Variants in RPRD2 observed in about 807,000 individuals in gnomAD.
RPRD2 encodes regulation of nuclear pre-mRNA domain containing 2.
RPRD2 carries 12 observed loss-of-function variants against 104.4 expected under a neutral mutation model. The ratio of observed to expected loss-of-function variants is 0.11; its 90% confidence interval spans 0.07 to 0.19. The LOEUF is 0.19. Among genes scored for constraint, RPRD2 ranks in the 10% least tolerant of loss-of-function variants. The probability of loss-of-function intolerance (pLI) is 1.00; values close to 1 mark genes in which losing one functional copy is unlikely to be tolerated. For synonymous variants in RPRD2, 714 were observed against 684.9 expected (o/e 1.04, Z -0.66); for missense variants, 1,543 against 1,790.1 (o/e 0.86, Z 2.49).
chr1:150,366,328 T>A (rs1291834086), intron 1 of RPRD2, among the ~76,000 whole-genome samples: 3 of 152,244 alleles, frequency 2.0e-5, no homozygotes, highest in Non-Finnish European at 4.4e-5. Flanking sequence ...TGCAAAATTA[T>A]AGGCCCCATG....
chr1:150,379,427 A>G (rs1660965887), intron 1 of RPRD2, among the ~76,000 whole-genome samples: 1 of 150,298 alleles, frequency 6.7e-6, no homozygotes, highest in African/African-American at 2.4e-5. Flanking sequence ...TTTGAGACCG[A>G]GTTTTGCTTT....
At chr1:150,396,791 A>G (rs990051395) in intron 1 of RPRD2, among the ~76,000 whole-genome samples, 4 of 152,142 alleles carry the variant, frequency 2.6e-5, no homozygotes, top group Non-Finnish European at 4.4e-5. Context: ...ATTTCAAACT[A>G]TACTCTAAGG....
At chr1:150,439,733 G>A (rs1303724515) in intron 2 of RPRD2, among the ~76,000 whole-genome samples, 3 of 150,744 alleles carry the variant, frequency 2.0e-5, no homozygotes, top group South Asian at 2.1e-4. Flanking sequence ...TTATTAGAAT[G>A]GTTTCTGTTC....
chr1:150,370,468 T>G (rs1263987811), intron 1 of RPRD2, among the ~76,000 whole-genome samples: 3 of 152,126 alleles, frequency 2.0e-5, no homozygotes, highest in Non-Finnish European at 4.4e-5. Flanking sequence ...ATTCCCAGTT[T>G]GTGAGAGACG....
chr1:150,414,548 T>C (rs1310266845), intron 1 of RPRD2, among the ~76,000 whole-genome samples: 2 of 152,024 alleles, frequency 1.3e-5, no homozygotes, highest in African/African-American at 2.4e-5. Flanking sequence ...TACATGATTC[T>C]AGAGGAGGAC....
chr1:150,465,136 T>C (rs1259843733), intron 10 of RPRD2, among the ~76,000 whole-genome samples: 1 of 151,910 alleles, frequency 6.6e-6, no homozygotes, highest in Non-Finnish European at 1.5e-5. Context: ...TGAGCCACCA[T>C]GCCTGGTGGT....
At chr1:150,369,754 G>A (rs1660159049) in intron 1 of RPRD2, among the ~76,000 whole-genome samples, 1 of 146,900 alleles carries the variant, frequency 6.8e-6, no homozygotes, top group African/African-American at 2.5e-5. Context: ...ACTGTGCCCG[G>A]CCTACACCTG....
At chr1:150,396,218 ATTTG>A (rs1662511492) in intron 1 of RPRD2, among the ~76,000 whole-genome samples, 1 of 144,610 alleles carries the variant, frequency 6.9e-6, no homozygotes, top group African/African-American at 2.6e-5. Context: ...TTTTTTGGTA[ATTTG>A]TTTGAGTTTA....
chr1:150,453,964 T>A (rs1443305358), intron 7 of RPRD2, among the ~76,000 whole-genome samples: 2 of 152,204 alleles, frequency 1.3e-5, no homozygotes, highest in Non-Finnish European at 2.9e-5. Flanking sequence ...CTCCAGCTTC[T>A]GGAATGTAGA....
intron 2 of RPRD2, among the ~76,000 whole-genome samples, chr1:150,436,596 C>T (rs1666011553): frequency 7.0e-6 from 1 of 143,048 alleles, no homozygotes; most frequent in South Asian, 2.2e-4. Context: ...AAGACTCCGT[C>T]TCAATTAAAA....
chr1:150,472,066 A>C lies in RPRD2; in HGVS notation c.3118A>C (p.Ser1040Arg), dbSNP rs1006045043. The C allele has an allele frequency of 6.2e-7, 1 of 1,613,868 alleles. No homozygotes were observed. Among genetic ancestry groups the C allele is most frequent in the Non-Finnish European group, 8.5e-7 (1 of 1,179,888 alleles). ...PSKGTPSDGV[S>R]LSNLTQPSLT... ...CAAGGGCACTCCAAGTGATGGTGTC[A>C]GTCTCTCAAACCTCACCCAACCCAG... Residue 1040 changes from serine to arginine, a missense_variant, in exon 11 of 11, where the codon AGT (serine) becomes CGT (arginine). Around this residue, in one of 4 missense-constraint regions of RPRD2, gnomAD observed 880 missense variants for 885.6 expected, o/e 0.99. Coordinates refer to ENST00000369068, the MANE Select transcript of RPRD2 (RefSeq NM_015203.5).
Position 150,364,657 on chromosome 1 carries a change from C to T in RPRD2, c.-58C>T. On this transcript the variant is annotated 5_prime_UTR_variant, in exon 1 of 11. Transcript: ENST00000369068. ...TCGCAGTGATTGTTTTGCCCGCTCC[C>T]GCCGCCGCCGCCGCCGCCGCCGCCA... The T allele has an allele frequency of 7.1e-6, 4 of 561,656 alleles. No individual in the cohort carries two copies. Among genetic ancestry groups the T allele is most frequent in the African/African-American group, 2.0e-5 (1 of 50,846 alleles). 34.8% of individuals were successfully genotyped at this position (561,656 alleles called of 1,614,324 possible). A position where few individuals can be genotyped will look rare whatever the true frequency, so the allele number is the denominator to read the frequency against.
intron 10 of RPRD2, among the ~76,000 whole-genome samples, chr1:150,465,532 T>C (rs782557216): frequency 3.9e-5 from 6 of 152,160 alleles, no homozygotes; most frequent in Non-Finnish European, 7.3e-5. Context: ...GTAAGGAAAC[T>C]AAGGCTCAGT....
chr1:150,380,665 T>A (rs1217267260), intron 1 of RPRD2, among the ~76,000 whole-genome samples: 2 of 151,822 alleles, frequency 1.3e-5, no homozygotes, highest in African/African-American at 4.8e-5. Flanking sequence ...ATTTTATTTT[T>A]ATTTTTTTGG....
At chr1:150,429,335 C>T (rs1216911542) in intron 2 of RPRD2, among the ~76,000 whole-genome samples, 1 of 150,070 alleles carries the variant, frequency 6.7e-6, no homozygotes, top group Non-Finnish European at 1.5e-5. Context: ...CAGTTGATCC[C>T]AAAGTGTTAG....
intron 7 of RPRD2, among the ~76,000 whole-genome samples, chr1:150,454,892 TAACAC>T (rs1459388514): frequency 3.4e-5 from 5 of 147,334 alleles, no homozygotes; most frequent in African/African-American, 1.3e-4. Context: ...AACAAAATAA[TAACAC>T]AATCTAATGG....
Position 150,471,363 on chromosome 1 carries a change from T to C in RPRD2, c.2415T>C (p.Asp805=). The change falls in exon 11 of 11, where the codon GAT becomes GAC. Residue 805 remains aspartate, a synonymous_variant. Coordinates refer to ENST00000369068, the MANE Select transcript of RPRD2 (RefSeq NM_015203.5). This position sits in a 1 kb window ranked among gnomAD's most constrained non-coding sequence, Gnocchi z 5.3. ...GSESPYKQPS[D]GMERPSSLMD... ...AATCTCCCTATAAGCAGCCTTCTGA[T>C]GGAATGGAGAGACCATCTTCCCTGA... 1 of 1,613,776 alleles carries C rather than the reference T, an allele frequency of 6.2e-7. No individual in the cohort carries two copies. The highest frequency in any genetic ancestry group is 8.5e-7 in the Non-Finnish European group (1 of 1,179,876).
intron 1 of RPRD2, among the ~76,000 whole-genome samples, chr1:150,387,913 CTTTTTTTTT>C (rs34188350): frequency 2.1e-5 from 2 of 94,602 alleles, no homozygotes; most frequent in Admixed American, 1.2e-4. Context: ...TTTCTTTTCT[CTTTTTTTTT>C]TTTTTTTTTT....
chr1:150,368,224 TA>T lies in RPRD2; in HGVS notation c.205+3307del, dbSNP rs34056541. 4.4e-3 allele frequency among the ~76,000 whole-genome samples: 409 copies of T among 92,552 alleles called. 4 individuals are homozygous for T. The highest frequency in any genetic ancestry group is 9.4e-3 in the African/African-American group (223 of 23,798). The allele number at this position is 92,552 out of a possible 152,430, so 60.7% of individuals were successfully genotyped here. ...TTTCTTGTTTTTTTTTTTTTTTTTT[TA>T]ATACGGAGTCTTAATAGATTTTTTT... is the stretch of plus-strand genomic sequence containing the variant. On this transcript the variant is annotated intron_variant, in intron 1 of 10. Transcript: ENST00000369068.
Sources: gnomAD v4.1 joint callset for allele counts (sites outside exome capture counted in the v4.1 genomes callset) on GRCh38, gnomAD v4.1.1 for gene constraint, gnomAD v4.1.1 regional missense constraint, Gnocchi (gnomAD v3.1) non-coding constraint, MANE v1.5 for transcripts, NCBI Gene and HGNC (gene_info 2026-07-23, HGNC 2026-07-21) for gene names.